The following CADPS variants were observed in gnomAD, a reference collection of about 807,000 sequenced individuals.
The protein encoded by CADPS is calcium dependent secretion activator.
Under a neutral mutation model 167.3 loss-of-function variants are expected in CADPS, and 57 were observed. That is an observed-to-expected ratio of 0.34 (90% CI 0.28 to 0.42). The LOEUF (loss-of-function observed/expected upper bound fraction) is 0.42. Ranked by LOEUF, CADPS falls within the 20% of genes least tolerant of loss-of-function variation. The pLI is 1.00. For missense variants in CADPS, 1,414 were observed against 1,738.1 expected, an observed-to-expected ratio of 0.81 and a Z score of 3.32; for synonymous variants, 676 against 635.3, an observed-to-expected ratio of 1.06 and a Z score of -0.96.
intron 6 of CADPS, among the ~76,000 whole-genome samples, chr3:62,638,443 G>C (rs1215725753): frequency 1.3e-5 from 2 of 152,096 alleles, no homozygotes; most frequent in Non-Finnish European, 2.9e-5. Flanking sequence ...AACAGTGATA[G>C]AAAAACAGTC....
chr3:62,777,122 A>G (rs2152585421), intron 1 of CADPS, among the ~76,000 whole-genome samples: 1 of 152,348 alleles, frequency 6.6e-6, no homozygotes, highest in South Asian at 2.1e-4. Flanking sequence ...CTAGCACAGC[A>G]ACATATGAAA....
intron 1 of CADPS, among the ~76,000 whole-genome samples, chr3:62,769,416 G>A (rs1413985302): frequency 6.6e-6 from 1 of 151,914 alleles, no homozygotes; most frequent in Non-Finnish European, 1.5e-5. Context: ...ATTTTTAGTA[G>A]AGATGAGGTT....
At chr3:62,681,035 A>AT (rs1301127646) in intron 3 of CADPS, among the ~76,000 whole-genome samples, 2 of 151,960 alleles carry the variant, frequency 1.3e-5, no homozygotes, top group Non-Finnish European at 2.9e-5. Context: ...CCATTTGGTG[A>AT]TTCCCCGACC....
intron 24 of CADPS, chr3:62,467,381 G>A (rs2060064346): frequency 3.7e-6 from 3 of 804,108 alleles, no homozygotes; most frequent in Non-Finnish European, 5.1e-6. Context: ...TAGGACAAAA[G>A]GACACATGAG....
At chr3:62,622,750 G>A (rs778528068) in intron 6 of CADPS, among the ~76,000 whole-genome samples, 43 of 152,184 alleles carry the variant, frequency 2.8e-4, no homozygotes, top group Non-Finnish European at 4.7e-4. Flanking sequence ...AAAAAGTCAT[G>A]ATAGAATTTA....
Position 62,645,120 on chromosome 3 carries a change from GT to G in CADPS, c.1325+601del, listed in dbSNP as rs141266039. Among the ~76,000 whole-genome samples, 1,380 of 152,250 alleles carry G rather than the reference GT, an allele frequency of 9.1e-3. 9 individuals are homozygous for G. The highest frequency in any genetic ancestry group is 0.013 in the Non-Finnish European group (866 of 68,016). On this transcript the variant is annotated intron_variant, in intron 6 of 29. Coordinates refer to ENST00000383710, the MANE Select transcript of CADPS (RefSeq NM_003716.4). ...TTAGACAAAAACCCAAATATCATAT[GT>G]TCTCACTAATAAGTGGGACCAAAGC...
intron 26 of CADPS, among the ~76,000 whole-genome samples, chr3:62,462,382 G>C (rs576501123): frequency 1.3e-5 from 2 of 152,362 alleles, no homozygotes; most frequent in Non-Finnish European, 2.9e-5. Context: ...AATGCAGATG[G>C]AGACGAGAAA....
intron 1 of CADPS, among the ~76,000 whole-genome samples, chr3:62,822,993 C>T (rs776122346): frequency 6.6e-6 from 1 of 152,084 alleles, no homozygotes; most frequent in African/African-American, 2.4e-5. Flanking sequence ...GAACCCAGAA[C>T]CTTGACTGAC....
intron 3 of CADPS, among the ~76,000 whole-genome samples, chr3:62,737,347 T>A (rs1267148616): frequency 6.6e-6 from 1 of 151,858 alleles, no homozygotes; most frequent in African/African-American, 2.4e-5. Context: ...CACATGCCTG[T>A]AGTCCCAGCT....
intron 1 of CADPS, among the ~76,000 whole-genome samples, chr3:62,783,801 C>T (rs192316795): frequency 2.1e-4 from 32 of 152,274 alleles, no homozygotes; most frequent in Admixed American, 9.2e-4. Flanking sequence ...ATAGAATGAA[C>T]TCCATTGGAT....
intron 8 of CADPS, among the ~76,000 whole-genome samples, chr3:62,575,284 T>C (rs1367173508): frequency 6.6e-6 from 1 of 152,214 alleles, no homozygotes; most frequent in Non-Finnish European, 1.5e-5. Flanking sequence ...TAGTGAAGTG[T>C]TACAAGTTTT....
intron 1 of CADPS, among the ~76,000 whole-genome samples, chr3:62,864,770 A>G (rs777740714): frequency 1.3e-5 from 2 of 152,172 alleles, no homozygotes; most frequent in Non-Finnish European, 2.9e-5. Flanking sequence ...TGGGGGGAAC[A>G]TAATAAACCC....
chr3:62,646,664 C>A (rs949323492), intron 5 of CADPS, among the ~76,000 whole-genome samples: 1 of 152,208 alleles, frequency 6.6e-6, no homozygotes, highest in Non-Finnish European at 1.5e-5. Context: ...AACTGGAGAG[C>A]ACATGCTCCT....
chr3:62,658,868 A>G (rs2072419002), intron 4 of CADPS, among the ~76,000 whole-genome samples: 1 of 152,128 alleles, frequency 6.6e-6, no homozygotes, highest in Admixed American at 6.5e-5. Flanking sequence ...AGCATTGTGA[A>G]TTTGCAGGGG....
chr3:62,400,136 T>C (rs370930049), intron 29 of CADPS, among the ~76,000 whole-genome samples: 1 of 152,360 alleles, frequency 6.6e-6, no homozygotes, highest in East Asian at 1.9e-4. Context: ...ATGAGAAAGA[T>C]GGAGCGCTAA....
At chr3:62,498,908 A>G (rs752963780) in intron 18 of CADPS, among the ~76,000 whole-genome samples, 12 of 152,230 alleles carry the variant, frequency 7.9e-5, no homozygotes, top group Non-Finnish European at 1.3e-4. Flanking sequence ...AACTTTAAAA[A>G]GCACTCACCT....
chr3:62,700,487 C>A (rs2081192321), intron 3 of CADPS, among the ~76,000 whole-genome samples: 1 of 152,052 alleles, frequency 6.6e-6, no homozygotes, highest in African/African-American at 2.4e-5. Flanking sequence ...CTCATTATTA[C>A]AATGGTCTTA....
At chr3:62,627,130 TTGTGTGTGTG>T (rs10547515) in intron 6 of CADPS, among the ~76,000 whole-genome samples, 13 of 148,446 alleles carry the variant, frequency 8.8e-5, no homozygotes, top group Admixed American at 4.7e-4. Flanking sequence ...TACTTTCCAG[TTGTGTGTGTG>T]TGTGTGTGTG....
intron 9 of CADPS, among the ~76,000 whole-genome samples, chr3:62,560,348 G>A (rs1471333675): frequency 6.6e-6 from 1 of 152,194 alleles, no homozygotes; most frequent in Non-Finnish European, 1.5e-5. Context: ...TGAAATGCAT[G>A]TTCCTCTGTC....
Sources: allele counts gnomAD v4.1 joint callset (sites outside exome capture counted in the v4.1 genomes callset), GRCh38; gene constraint gnomAD v4.1.1; transcripts MANE v1.5; gene names NCBI Gene and HGNC (gene_info 2026-07-23, HGNC 2026-07-21).